KDM6A: variants seen among roughly 807,000 people sequenced by gnomAD.
KDM6A encodes lysine-specific demethylase 6A.
In KDM6A, 11 loss-of-function variants were observed where a neutral mutation model predicts 117.6. The ratio of observed to expected loss-of-function variants is 0.09; its 90% CI spans 0.06 to 0.15. The LOEUF (loss-of-function observed/expected upper bound fraction) is 0.15. Among genes scored for constraint, KDM6A ranks in the 10% least tolerant of loss-of-function variants. The pLI, the probability that KDM6A is intolerant of heterozygous loss-of-function variation, is 1.00. For synonymous variants in KDM6A, 384 were observed against 396.1 expected, an observed-to-expected ratio of 0.97 and a Z score of 0.36; for missense variants, 799 against 1,077.3, an observed-to-expected ratio of 0.74 and a Z score of 3.62.
At chrX:45,044,303 G>C (rs906758225) in intron 8 of KDM6A, among the ~76,000 whole-genome samples, 1 of 111,579 alleles carries the variant, frequency 9.0e-6, no homozygotes, top group East Asian at 2.8e-4. Flanking sequence ...TAGTATTAAC[G>C]GGGCTTCTTT....
intron 3 of KDM6A, among the ~76,000 whole-genome samples, chrX:44,969,411 C>CTTT (rs11288771): frequency 2.8e-4 from 10 of 35,988 alleles, no homozygotes; most frequent in Non-Finnish European, 3.4e-4. Context: ...CTCTTTTTAT[C>CTTT]TTTTTTTTTT....
At chrX:45,014,696 A>G (rs1403038566) in intron 5 of KDM6A, among the ~76,000 whole-genome samples, 1 of 112,176 alleles carries the variant, frequency 8.9e-6, no homozygotes, top group Non-Finnish European at 1.9e-5. Context: ...AAAGCAAGGA[A>G]AAGTTAGACT....
At chrX:45,081,993 A>G (rs182520986) in intron 21 of KDM6A, among the ~76,000 whole-genome samples, 205 of 109,217 alleles carry the variant, frequency 1.9e-3, no homozygotes, top group Non-Finnish European at 2.7e-3. Flanking sequence ...GTCAGCCAGG[A>G]TGGTCTTGAT....
chrX:44,992,462 G>T (rs1425986648), intron 4 of KDM6A, among the ~76,000 whole-genome samples: 6 of 108,907 alleles, frequency 5.5e-5, no homozygotes, highest in Non-Finnish European at 9.5e-5. Flanking sequence ...AGCCTCACGT[G>T]ATCTGCCCAC....
intron 5 of KDM6A, among the ~76,000 whole-genome samples, chrX:45,015,464 T>C (rs2041924206): frequency 9.0e-6 from 1 of 111,265 alleles, no homozygotes; most frequent in Admixed American, 9.6e-5. Context: ...GTCACAAGTG[T>C]TCTTAGGGGT....
chrX:45,006,951 A>G (rs2041526000), intron 4 of KDM6A, among the ~76,000 whole-genome samples: 2 of 110,779 alleles, frequency 1.8e-5, no homozygotes, highest in African/African-American at 6.6e-5. Flanking sequence ...GATCCTGAGC[A>G]TTTCTTCAAA....
chrX:45,086,509 C>G (rs1471519606), intron 25 of KDM6A, among the ~76,000 whole-genome samples: 1 of 111,428 alleles, frequency 9.0e-6, no homozygotes, highest in African/African-American at 3.3e-5. Flanking sequence ...GTTGCCTAGG[C>G]TGCTCTTGAA....
intron 4 of KDM6A, among the ~76,000 whole-genome samples, chrX:44,988,691 C>T (rs1054885376): frequency 9.0e-6 from 1 of 111,322 alleles, no homozygotes; most frequent in African/African-American, 3.3e-5. Context: ...CCCTGTTTGC[C>T]TGGGTATCAG....
intron 3 of KDM6A, among the ~76,000 whole-genome samples, chrX:44,966,136 A>T (rs897319635): frequency 1.7e-4 from 18 of 106,377 alleles, no homozygotes; most frequent in South Asian, 8.1e-4. Context: ...ATATATATAT[A>T]TTTTTTTTTT....
In KDM6A at chrX:44,974,646, C is replaced by T. The variant is rs371294715; in HGVS notation, c.335-20C>T. On this transcript the variant is annotated intron_variant, in intron 3 of 29. Coordinates refer to ENST00000611820, the MANE Select transcript of KDM6A (RefSeq NM_001291415.2). ...TTTAAAGTGAGACATAATTATGACT[C>T]ATAATTATTTTCCTTTCAGCATTAT... 3.1e-5 allele frequency: 34 copies of T among 1,100,192 alleles called. No individual in the cohort carries two copies. The highest frequency in any genetic ancestry group is 3.8e-5 in the Non-Finnish European group (30 of 795,890). The allele number at this position is 1,100,192 out of a possible 1,213,427, so 90.7% of individuals were successfully genotyped here.
At position 44,873,652 on chromosome X, in the gene KDM6A, G is replaced by C. The variant is rs749979159; in HGVS notation, c.101G>C (p.Ser34Thr). 2.5e-6 allele frequency: 3 copies of C among 1,189,360 alleles called. No homozygotes were observed. The African/African-American group carries it at 5.2e-5, about 21-fold the overall frequency. ...KMAAGKASGE[S>T]EEASPSLTAE... ...GCGGCGGGAAAAGCGAGCGGCGAGA[G>C]CGAGGAGGCGTCCCCCAGCCTGACA... Residue 34 changes from serine to threonine, a missense_variant, in exon 1 of 30, where the codon AGC (serine) becomes ACC (threonine). Physicochemically the swap from Ser to Thr is moderately conservative, Grantham distance 58 (BLOSUM62 1). Coordinates refer to ENST00000611820, the MANE Select transcript of KDM6A (RefSeq NM_001291415.2).
chrX:45,004,541 C>T (rs770424572), intron 4 of KDM6A, among the ~76,000 whole-genome samples: 1 of 111,343 alleles, frequency 9.0e-6, no homozygotes, highest in East Asian at 2.8e-4. Flanking sequence ...CCAAGGGGAT[C>T]ATCCAAATTG....
At chrX:45,076,632 CT>C (rs1236801760) in intron 18 of KDM6A, 64 bp from the exon 19 acceptor site, 49,135 of 562,107 alleles carry the variant, frequency 0.087, no homozygotes, top group East Asian at 0.11. Context: ...ATTCAGGATT[CT>C]TTTTTTTTTT....
chrX:44,913,047 G>A (rs1323489930), intron 2 of KDM6A, among the ~76,000 whole-genome samples: 7 of 111,349 alleles, frequency 6.3e-5, no homozygotes, highest in African/African-American at 2.3e-4. Flanking sequence ...TTTGAACTGC[G>A]TGGGCCCACT....
chrX:45,057,032 C>G (rs1392807891), intron 10 of KDM6A, among the ~76,000 whole-genome samples: 1 of 111,469 alleles, frequency 9.0e-6, no homozygotes, highest in Non-Finnish European at 1.9e-5. Flanking sequence ...ACTGCCTTCT[C>G]TGTCTCAATC....
chrX:45,107,833 G>A (rs761980553), intron 28 of KDM6A, among the ~76,000 whole-genome samples: 2 of 111,660 alleles, frequency 1.8e-5, no homozygotes, highest in African/African-American at 6.5e-5. Flanking sequence ...CAATCTAGAT[G>A]TACACAGATG....
chrX:44,936,438 C>T (rs983931693), intron 2 of KDM6A, among the ~76,000 whole-genome samples: 26 of 111,610 alleles, frequency 2.3e-4, no homozygotes, highest in African/African-American at 8.2e-4. Context: ...TCCATGTTTT[C>T]TCTATAGAGA....
At chrX:45,000,649 G>T (rs892565148) in intron 4 of KDM6A, among the ~76,000 whole-genome samples, 1 of 112,776 alleles carries the variant, frequency 8.9e-6, no homozygotes, top group Non-Finnish European at 1.9e-5. Flanking sequence ...TCCAAGGAAC[G>T]CCGTTTCTTC....
At chrX:45,043,913 C>T (rs1322286738) in intron 8 of KDM6A, among the ~76,000 whole-genome samples, 1 of 111,820 alleles carries the variant, frequency 8.9e-6, no homozygotes, top group Non-Finnish European at 1.9e-5. Flanking sequence ...GATGGTGGTC[C>T]CATAGGATTA....
Sources: allele counts gnomAD v4.1 joint callset (sites outside exome capture counted in the v4.1 genomes callset), GRCh38; gene constraint gnomAD v4.1.1; transcripts MANE v1.5; gene names NCBI Gene and HGNC (gene_info 2026-07-23, HGNC 2026-07-21).